Variants in PIK3C2G observed in about 807,000 individuals in gnomAD.
PIK3C2G encodes phosphatidylinositol 3-kinase C2 domain-containing subunit gamma.
A neutral mutation model predicts 181.1 loss-of-function variants in PIK3C2G; 168 were observed. The ratio of observed to expected loss-of-function variants is 0.93; its 90% CI spans 0.82 to 1.05. The LOEUF (loss-of-function observed/expected upper bound fraction) is 1.05, where lower values mean the gene tolerates loss of function less well. PIK3C2G is among the 50% of genes least tolerant of loss of function. The probability of loss-of-function intolerance (pLI) is 0.00; values close to 1 mark genes in which losing one functional copy is unlikely to be tolerated. For missense variants in PIK3C2G, 1,869 were observed against 1,732.8 expected (o/e 1.08, Z -1.40); for synonymous variants, 573 against 592.2 (o/e 0.97, Z 0.47).
At chr12:18,387,641 C>T (rs959975621) in intron 14 of PIK3C2G, among the ~76,000 whole-genome samples, 3 of 152,124 alleles carry the variant, frequency 2.0e-5, no homozygotes, top group African/African-American at 7.2e-5. Flanking sequence ...TCTTCTCACA[C>T]CAAGCAAAGT....
chr12:18,323,990 G>A (rs558316838), intron 7 of PIK3C2G, among the ~76,000 whole-genome samples: 3 of 152,238 alleles, frequency 2.0e-5, no homozygotes, highest in Admixed American at 6.5e-5. Flanking sequence ...GGACGCCGAG[G>A]TGGGCGGATC....
At chr12:18,712,021 A>G in the PIK3C2G span, among the ~76,000 whole-genome samples, 21 of 152,172 alleles carry the variant, frequency 1.4e-4, no homozygotes, top group African/African-American at 5.1e-4. Flanking sequence ...TTATGTTGAC[A>G]GATTATGTAA....
chr12:18,584,035 G>GT (rs71064007), intron 29 of PIK3C2G, among the ~76,000 whole-genome samples: 2,611 of 146,188 alleles, frequency 0.018, 70 homozygotes, highest in African/African-American at 0.056. Flanking sequence ...TTGTTTTTTT[G>GT]TTTTTTTTTT....
Position 18,514,561 on chromosome 12 carries a change from A to G in PIK3C2G, c.3323+9100A>G, listed in dbSNP as rs1288318814. 3.9e-5 allele frequency among the ~76,000 whole-genome samples: 6 copies of G among 152,054 alleles called. No homozygotes were observed. The East Asian group carries it at 9.7e-4, about 24-fold the overall frequency. On this transcript the variant is annotated intron_variant, in intron 24 of 32. Coordinates refer to ENST00000538779, the MANE Select transcript of PIK3C2G (RefSeq NM_001288772.2). ...TTCAGGTAGTTCTCTACTGGCATAT[A>G]GAATTGCTACTAATCTTGTGTATTG...
intron 2 of PIK3C2G, 139 bp from the exon 3 acceptor site, chr12:18,286,708 A>G: frequency 3.6e-6 from 2 of 550,390 alleles, no homozygotes; most frequent in Non-Finnish European, 3.2e-6. Flanking sequence ...CTATGTGTAA[A>G]TATTACTTCA....
intron 6 of PIK3C2G, among the ~76,000 whole-genome samples, chr12:18,314,354 G>A (rs1950769880): frequency 1.3e-5 from 2 of 152,124 alleles, no homozygotes; most frequent in South Asian, 4.1e-4. Flanking sequence ...GTATTAGGAA[G>A]TGAGGTCTTT....
chr12:18,428,898 A>G (rs1448339494), intron 18 of PIK3C2G, among the ~76,000 whole-genome samples: 2 of 152,102 alleles, frequency 1.3e-5, no homozygotes, highest in African/African-American at 4.8e-5. Flanking sequence ...TGTAACAATT[A>G]ATTACAAAAG....
At chr12:18,315,440 G>A (rs951749398) in intron 6 of PIK3C2G, among the ~76,000 whole-genome samples, 1 of 152,018 alleles carries the variant, frequency 6.6e-6, no homozygotes, top group Non-Finnish European at 1.5e-5. Context: ...TGGAGCATGG[G>A]GGAAGAAGAT....
intron 31 of PIK3C2G, among the ~76,000 whole-genome samples, chr12:18,629,951 T>G (rs1949277330): frequency 6.6e-6 from 1 of 152,170 alleles, no homozygotes; most frequent in Admixed American, 6.5e-5. Context: ...AACAAATAAC[T>G]CTGAAGTACT....
rs141160777 is a variant in PIK3C2G, at chr12:18,432,894, T to C, written c.2504+8855T>C. Among the ~76,000 whole-genome samples the C allele has an allele frequency of 4.9e-3, 745 of 152,132 alleles. 36 individuals are homozygous for C. The highest frequency in any genetic ancestry group is 0.042 in the Admixed American group (647 of 15,292). The stretch of plus-strand genomic sequence containing the variant: ...TCAGATTTCTTTCTAATTCAACATC[T>C]ACTTTCAAAAAAGGGTAATTTGAAG... On this transcript the variant is annotated intron_variant, in intron 18 of 32. Coordinates refer to ENST00000538779, the MANE Select transcript of PIK3C2G (RefSeq NM_001288772.2).
intron 5 of PIK3C2G, among the ~76,000 whole-genome samples, chr12:18,294,930 T>C (rs527685505): frequency 8.2e-4 from 125 of 151,852 alleles, no homozygotes; most frequent in African/African-American, 2.9e-3. Flanking sequence ...TTTGGGAAGT[T>C]TGATAAATTT....
the PIK3C2G span, chr12:18,696,225 T>A: frequency 6.3e-7 from 1 of 1,599,958 alleles, no homozygotes; most frequent in Non-Finnish European, 8.5e-7. Context: ...TTGGGATATA[T>A]TCTGGTAATG....
intron 5 of PIK3C2G, among the ~76,000 whole-genome samples, chr12:18,305,292 T>A (rs1470844275): frequency 6.6e-6 from 1 of 152,138 alleles, no homozygotes; most frequent in Admixed American, 6.6e-5. Flanking sequence ...TTGTTTATTA[T>A]GATTAAAAGC....
chr12:18,584,035 G>GTT (rs71064007), intron 29 of PIK3C2G, among the ~76,000 whole-genome samples: 16 of 146,294 alleles, frequency 1.1e-4, no homozygotes, highest in South Asian at 6.5e-4. Context: ...TTGTTTTTTT[G>GTT]TTTTTTTTTT....
chr12:18,406,267 A>T (rs1944523644), intron 16 of PIK3C2G, among the ~76,000 whole-genome samples: 1 of 152,176 alleles, frequency 6.6e-6, no homozygotes, highest in African/African-American at 2.4e-5. Flanking sequence ...CAGTGTCGTT[A>T]TCCATTCATC....
chr12:18,444,075 T>C (rs1946887729), intron 18 of PIK3C2G, among the ~76,000 whole-genome samples: 1 of 152,240 alleles, frequency 6.6e-6, no homozygotes, highest in Non-Finnish European at 1.5e-5. Flanking sequence ...CACTATTCTA[T>C]TACAAAATAA....
downstream of PIK3C2G, among the ~76,000 whole-genome samples, chr12:18,649,614 A>C (rs1240052262): frequency 6.6e-6 from 1 of 151,840 alleles, no homozygotes; most frequent in Non-Finnish European, 1.5e-5. Flanking sequence ...CTGGTTTCTC[A>C]CCTCCAATTT....
At position 18,362,846 on chromosome 12, in the gene PIK3C2G, G is replaced by C; in HGVS notation, c.1708G>C (p.Asp570His). The C allele has an allele frequency of 6.6e-7, 1 of 1,518,084 alleles. No individual in the cohort carries two copies. Among genetic ancestry groups the C allele is most frequent in the Non-Finnish European group, 8.8e-7 (1 of 1,136,996 alleles). 94.0% of individuals were successfully genotyped at this position (1,518,084 alleles called of 1,614,324 possible). The change falls in exon 12 of 33, where the codon GAC becomes CAC. Residue 570 changes from aspartate to histidine, a missense_variant. Asp to His is a moderately conservative substitution (Grantham distance 81). Transcript: ENST00000538779. ...CQVRNYRNIP[D>H]KKLFFFLVNW... Reference sequence around the variant, plus strand: ...AGTGAGAAACTACAGAAATATTCCAGACAAGAAATTATTTTTTTTCTTGGT... The same window carrying C: ...AGTGAGAAACTACAGAAATATTCCACACAAGAAATTATTTTTTTTCTTGGT...
intron 18 of PIK3C2G, among the ~76,000 whole-genome samples, chr12:18,436,726 T>C (rs995073826): frequency 1.3e-5 from 2 of 152,024 alleles, no homozygotes; most frequent in African/African-American, 4.8e-5. Flanking sequence ...TTTTTCTCTT[T>C]TAAAAAAATG....
Sources: allele counts gnomAD v4.1 joint callset (sites outside exome capture counted in the v4.1 genomes callset), GRCh38; gene constraint gnomAD v4.1.1; transcripts MANE v1.5; gene names NCBI Gene and HGNC (gene_info 2026-07-23, HGNC 2026-07-21).